The following PTPRN2 variants were observed in gnomAD, a reference collection of about 807,000 sequenced individuals.
PTPRN2 encodes the protein protein tyrosine phosphatase receptor type N2, also known as receptor-type tyrosine-protein phosphatase N2.
A neutral mutation model predicts 118.8 loss-of-function variants in PTPRN2; 74 were observed. The observed-to-expected ratio is 0.62, with a 90% confidence interval of 0.52 to 0.76. The LOEUF (loss-of-function observed/expected upper bound fraction) is 0.76, where lower values mean the gene tolerates loss of function less well. Among genes scored for constraint, PTPRN2 ranks in the 30% least tolerant of loss-of-function variants. The pLI is 0.00. For missense variants in PTPRN2, 1,481 were observed against 1,394.4 expected (o/e 1.06, Z -0.99); for synonymous variants, 641 against 608.0 (o/e 1.05, Z -0.80).
rs542377272 is a variant in PTPRN2, at chr7:157,548,844, C to A, written c.2976+102G>T. 3 of 1,146,810 alleles carry A rather than the reference C, an allele frequency of 2.6e-6. No homozygotes were observed. In the African/African-American group the frequency reaches 4.8e-5, roughly 18 times the overall value. The allele number at this position is 1,146,810 out of a possible 1,614,324, so 71.0% of individuals were successfully genotyped here. A position where few individuals can be genotyped will look rare whatever the true frequency, so the allele number is the denominator to read the frequency against. The stretch of plus-strand genomic sequence containing the variant: ...CGGTCAGAGCAGAGCAATCGGTGTG[C>A]GGCTCACATTAAACCAGGCCCTCCC... On this transcript the variant is annotated intron_variant, in intron 22 of 22. Coordinates refer to ENST00000389418, the MANE Select transcript of PTPRN2 (RefSeq NM_002847.5).
chr7:158,145,751 T>C (rs1168823408), intron 6 of PTPRN2, among the ~76,000 whole-genome samples: 3 of 152,202 alleles, frequency 2.0e-5, no homozygotes, highest in Non-Finnish European at 4.4e-5. Flanking sequence ...TTTTCCATCA[T>C]TGCAGCTAGG....
chr7:158,535,454 A>G (rs1825591123), intron 1 of PTPRN2, among the ~76,000 whole-genome samples: 1 of 152,120 alleles, frequency 6.6e-6, no homozygotes, highest in Non-Finnish European at 1.5e-5. Flanking sequence ...CCTGCATTTA[A>G]TCTGTGCTGT....
intron 3 of PTPRN2, among the ~76,000 whole-genome samples, chr7:158,242,980 G>C (rs1795983416): frequency 6.6e-6 from 1 of 152,122 alleles, no homozygotes; most frequent in Admixed American, 6.5e-5. Context: ...CAATTTTGAT[G>C]ATCTTTCCTA....
At chr7:158,512,298 C>T (rs1363637628) in intron 1 of PTPRN2, among the ~76,000 whole-genome samples, 1 of 152,192 alleles carries the variant, frequency 6.6e-6, no homozygotes, top group Non-Finnish European at 1.5e-5. Context: ...GACTCTACCA[C>T]ACATGCATGC....
At chr7:157,689,836 C>T (rs1481040446) in intron 12 of PTPRN2, among the ~76,000 whole-genome samples, 1 of 152,104 alleles carries the variant, frequency 6.6e-6, no homozygotes, top group Non-Finnish European at 1.5e-5. Flanking sequence ...TGCAGGCCCC[C>T]TCGGTTCCCT....
At chr7:158,459,756 C>T (rs1011770281) in intron 2 of PTPRN2, among the ~76,000 whole-genome samples, 2 of 152,188 alleles carry the variant, frequency 1.3e-5, no homozygotes, top group Admixed American at 1.3e-4. Context: ...ATGGCAACAT[C>T]CACAGTCTCC....
chr7:157,921,291 A>G (rs928949281), intron 11 of PTPRN2, among the ~76,000 whole-genome samples: 2 of 152,212 alleles, frequency 1.3e-5, no homozygotes, highest in Admixed American at 1.3e-4. Flanking sequence ...GGATGGAGAC[A>G]GTGTAAGTTG....
In PTPRN2 at chr7:157,722,941, A is replaced by C. The variant is rs190913915; in HGVS notation, c.1789-40004T>G. ...GCACCTGGTAGGTCACTGAATCAAC[A>C]GCCCACCGCCAGCAGGGCAGGGCGA... On this transcript the variant is annotated intron_variant, in intron 12 of 22. Coordinates refer to ENST00000389418, the MANE Select transcript of PTPRN2 (RefSeq NM_002847.5). Among the ~76,000 whole-genome samples, 717 of 152,188 alleles carry C rather than the reference A, an allele frequency of 4.7e-3. 2 individuals are homozygous for C. Among genetic ancestry groups the C allele is most frequent in the Non-Finnish European group, 6.0e-3 (411 of 67,994 alleles).
intron 10 of PTPRN2, among the ~76,000 whole-genome samples, chr7:158,085,877 A>AC (rs1398242787): frequency 8.2e-6 from 1 of 122,214 alleles, no homozygotes; most frequent in Non-Finnish European, 1.7e-5. Context: ...ATCCACACCT[A>AC]CGACGCCCAT....
At chr7:157,812,155 G>T (rs529748175) in intron 12 of PTPRN2, among the ~76,000 whole-genome samples, 35 of 152,264 alleles carry the variant, frequency 2.3e-4, no homozygotes, top group African/African-American at 8.2e-4. Flanking sequence ...GGCAGTGTCT[G>T]CTCTGGCCAA....
chr7:158,301,825 C>T (rs1800912445), intron 3 of PTPRN2, among the ~76,000 whole-genome samples: 1 of 152,170 alleles, frequency 6.6e-6, no homozygotes, highest in Non-Finnish European at 1.5e-5. Flanking sequence ...TGGTTTGCAC[C>T]TGTAGTTTCA....
chr7:157,798,346 G>T (rs2151089705), intron 12 of PTPRN2, among the ~76,000 whole-genome samples: 1 of 152,300 alleles, frequency 6.6e-6, no homozygotes, highest in Admixed American at 6.5e-5. Flanking sequence ...CCTGTGATTT[G>T]TCACCTCTGG....
At chr7:158,133,231 G>C (rs1039738748) in intron 9 of PTPRN2, among the ~76,000 whole-genome samples, 1 of 152,198 alleles carries the variant, frequency 6.6e-6, no homozygotes, top group Non-Finnish European at 1.5e-5. Context: ...GAGGAGTCCG[G>C]GGTGCAGCAG....
chr7:157,618,145 G>A lies in PTPRN2; in HGVS notation c.2344+3217C>T, dbSNP rs1468695032. ...CCGATCAGGGTGCATCTGGGAAGTCGGGCGACTGTGTCCATCTCCTGGGTG... is the reference window on the plus strand; with the variant it reads ...CCGATCAGGGTGCATCTGGGAAGTCAGGCGACTGTGTCCATCTCCTGGGTG... On this transcript the variant is annotated intron_variant, in intron 15 of 22. Coordinates refer to ENST00000389418, the MANE Select transcript of PTPRN2 (RefSeq NM_002847.5). This position sits in a 1 kb window ranked among gnomAD's most constrained non-coding sequence, Gnocchi z 4.2. 1.3e-5 allele frequency: 2 copies of A among 152,218 alleles called. No individual in the cohort carries two copies. The highest frequency in any genetic ancestry group is 2.1e-4 in the South Asian group (1 of 4,820). 9.4% of individuals were successfully genotyped at this position (152,218 alleles called of 1,614,324 possible).
intron 3 of PTPRN2, among the ~76,000 whole-genome samples, chr7:158,262,482 T>C (rs1178712564): frequency 2.4e-5 from 3 of 125,146 alleles, no homozygotes; most frequent in Non-Finnish European, 4.8e-5. Flanking sequence ...ACATTCACGC[T>C]GCACACACAT....
rs1337755361 is a variant in PTPRN2 at position 157,861,053 on chromosome 7, T to C, written c.1788+37620A>G. On this transcript the variant is annotated intron_variant, in intron 12 of 22. Coordinates refer to ENST00000389418, the MANE Select transcript of PTPRN2 (RefSeq NM_002847.5). This position sits in a 1 kb window ranked among gnomAD's most constrained non-coding sequence, Gnocchi z 5.8. ...GTGGGGGGCAGGGTGACCTTCTCTT[T>C]CTTGTGGGGGTTGGAAGAGGAACCC... Among the ~76,000 whole-genome samples, 1 of 152,076 alleles carries C rather than the reference T, an allele frequency of 6.6e-6. No homozygotes were observed. The highest frequency in any genetic ancestry group is 1.5e-5 in the Non-Finnish European group (1 of 68,000).
At chr7:158,058,889 A>T in intron 11 of PTPRN2, among the ~76,000 whole-genome samples, 1 of 120,236 alleles carries the variant, frequency 8.3e-6, no homozygotes, top group African/African-American at 3.9e-5. Context: ...GTGAGACACC[A>T]CTGCAGCCAC....
chr7:158,055,755 C>T (rs1809734701), intron 11 of PTPRN2, among the ~76,000 whole-genome samples: 1 of 152,234 alleles, frequency 6.6e-6, no homozygotes, highest in Non-Finnish European at 1.5e-5. Flanking sequence ...AGATGGCTCA[C>T]ACTCCTTACC....
At chr7:157,804,203 G>A (rs148668535) in intron 12 of PTPRN2, among the ~76,000 whole-genome samples, 4 of 152,292 alleles carry the variant, frequency 2.6e-5, no homozygotes, top group Admixed American at 6.5e-5. Context: ...ATGCCCCCGC[G>A]AAGTCATAGT....
Sources: allele counts gnomAD v4.1 joint callset (sites outside exome capture counted in the v4.1 genomes callset), GRCh38; gene constraint gnomAD v4.1.1; non-coding constraint Gnocchi (gnomAD v3.1); transcripts MANE v1.5; gene names NCBI Gene and HGNC (gene_info 2026-07-23, HGNC 2026-07-21).